The following MS4A12 variants were observed in gnomAD, a reference collection of about 807,000 sequenced individuals.
The protein encoded by MS4A12 is membrane spanning 4-domains A12.
In MS4A12, 28 loss-of-function variants were observed where a neutral mutation model predicts 23.7. The observed-to-expected ratio is 1.18, with a 90% CI of 0.88 to 1.62. MS4A12 has a LOEUF of 1.62. Ranked by LOEUF, MS4A12 falls within the 40% of genes most tolerant of loss-of-function variation. The pLI is 0.00. For synonymous variants in MS4A12, 108 were observed against 110.1 expected (o/e 0.98, Z 0.12); for missense variants, 342 against 327.0 (o/e 1.05, Z -0.35).
At chr11:60,506,935 T>A in intron 6 of MS4A12, 85 bp from the exon 7 acceptor site, 2 of 1,515,178 alleles carry the variant, frequency 1.3e-6, no homozygotes, top group Non-Finnish European at 1.8e-6. Context: ...ACCAGAATGC[T>A]CTTTGTCCTT....
At chr11:60,496,175 A>G (rs74458973) in intron 1 of MS4A12, among the ~76,000 whole-genome samples, 27 of 152,332 alleles carry the variant, frequency 1.8e-4, no homozygotes, top group Admixed American at 7.2e-4. Context: ...GGGTCTGCAT[A>G]TGTGTCCTTG....
intron 2 of MS4A12, 147 bp downstream of exon 2, chr11:60,497,741 A>G: frequency 1.1e-6 from 1 of 922,808 alleles, no homozygotes; most frequent in Non-Finnish European, 1.6e-6. Context: ...CTGCCTATAG[A>G]CTTTCCCTTG....
chr11:60,502,882 TA>T (rs1183673164), intron 4 of MS4A12, among the ~76,000 whole-genome samples: 1 of 152,206 alleles, frequency 6.6e-6, no homozygotes, highest in Non-Finnish European at 1.5e-5. Context: ...CTGCATCTTT[TA>T]AGGATCCTTC....
At chr11:60,506,694 T>G in intron 5 of MS4A12, 34 bp from the exon 6 acceptor site, 1 of 1,591,008 alleles carries the variant, frequency 6.3e-7, no homozygotes, top group Non-Finnish European at 8.6e-7. Flanking sequence ...CCCTCCTGAT[T>G]AGCCAAAATT....
chr11:60,506,160 C>T (rs1313447744), intron 5 of MS4A12, among the ~76,000 whole-genome samples: 1 of 152,200 alleles, frequency 6.6e-6, no homozygotes, highest in Admixed American at 6.5e-5. Flanking sequence ...TGTACCTGAT[C>T]AAATAGAAAG....
intron 4 of MS4A12, among the ~76,000 whole-genome samples, chr11:60,503,326 G>C (rs1856680058): frequency 6.6e-6 from 1 of 152,192 alleles, no homozygotes; most frequent in Non-Finnish European, 1.5e-5. Context: ...AAGGCTGTAA[G>C]AGTTGAGATA....
rs778062540 is a variant in MS4A12, at chr11:60,501,076, T to C, written c.308T>C (p.Ile103Thr). ...VIQIMVGLMH[I>T]GFGIVLCLIS... Reference sequence around the variant, plus strand: ...CAGATCATGGTTGGATTGATGCACATTGGTTTTGGAATTGTTTTGTGTTTA... The same window carrying C: ...CAGATCATGGTTGGATTGATGCACACTGGTTTTGGAATTGTTTTGTGTTTA... Residue 103 changes from isoleucine (I) to threonine (T), a missense_variant, in exon 3 of 7, where the codon ATT (isoleucine) becomes ACT (threonine). By Grantham distance (89) the Ile-to-Thr change is moderately conservative. Coordinates refer to ENST00000016913, the MANE Select transcript of MS4A12 (RefSeq NM_017716.3). 19 of 1,611,772 alleles carry C rather than the reference T, an allele frequency of 1.2e-5. No homozygotes were observed. The East Asian group carries it at 2.2e-4, about 19-fold the overall frequency.
intron 4 of MS4A12, among the ~76,000 whole-genome samples, chr11:60,502,793 A>C (rs959063136): frequency 2.6e-4 from 39 of 152,326 alleles, no homozygotes; most frequent in Admixed American, 4.6e-4. Flanking sequence ...AAATAATTAA[A>C]TCAAATTAAA....
At chr11:60,502,166 T>C in intron 4 of MS4A12, 127 bp downstream of exon 4, 1 of 957,294 alleles carries the variant, frequency 1.0e-6, no homozygotes, top group East Asian at 2.4e-5. Context: ...AATCTATTGG[T>C]TGCCTTATGG....
At chr11:60,504,152 G>T (rs2086553171) in intron 5 of MS4A12, among the ~76,000 whole-genome samples, 1 of 152,182 alleles carries the variant, frequency 6.6e-6, no homozygotes, top group African/African-American at 2.4e-5. Context: ...AGGTAGTCAA[G>T]CTATTGAGTG....
At chr11:60,502,742 A>G (rs567489479) in intron 4 of MS4A12, among the ~76,000 whole-genome samples, 1 of 152,370 alleles carries the variant, frequency 6.6e-6, no homozygotes, top group African/African-American at 2.4e-5. Context: ...AGAGGAACAC[A>G]GAATCATGTA....
intron 2 of MS4A12, among the ~76,000 whole-genome samples, chr11:60,500,442 G>C (rs2086522152): frequency 6.6e-6 from 1 of 152,140 alleles, no homozygotes; most frequent in Admixed American, 6.5e-5. Flanking sequence ...AATTCAGACA[G>C]GCTCAGCAGT....
chr11:60,497,557 C>A lies in MS4A12; in HGVS notation c.239C>A (p.Ala80Glu), dbSNP rs747462369. The change falls in exon 2 of 7, where the codon GCA (alanine) becomes GAA (glutamate). Residue 80 changes from alanine (A) to glutamate (E), a missense_variant. Transcript: ENST00000016913. Reference protein sequence around the residue: ...IQMINPSVGTAVMNFKEEAKA... With the variant: ...IQMINPSVGTEVMNFKEEAKA... Reference sequence around the variant, plus strand: ...ATGATAAATCCAAGTGTGGGAACAGCAGTAATGAACTTTAAAGAAGAAGCA... The same window carrying A: ...ATGATAAATCCAAGTGTGGGAACAGAAGTAATGAACTTTAAAGAAGAAGCA... The A allele has an allele frequency of 6.2e-7, 1 of 1,614,078 alleles. No homozygotes were observed. Among genetic ancestry groups the A allele is most frequent in the Non-Finnish European group, 8.5e-7 (1 of 1,179,948 alleles).
intron 4 of MS4A12, 101 bp downstream of exon 4, chr11:60,502,140 C>T: frequency 8.5e-7 from 1 of 1,178,940 alleles, no homozygotes; most frequent in African/African-American, 1.5e-5. Flanking sequence ...CAAAAGGGAG[C>T]ACCTTTCCCA....
chr11:60,507,310 A>G lies in MS4A12; in HGVS notation c.*186A>G. The G allele has an allele frequency of 1.8e-6, 1 of 563,602 alleles. No individual in the cohort carries two copies. Among genetic ancestry groups the G allele is most frequent in the African/African-American group, 1.9e-5 (1 of 53,336 alleles). The allele number at this position is 563,602 out of a possible 1,614,324, so 34.9% of individuals were successfully genotyped here. ...CACTGTCTCTTCCTACATTACCACT[A>G]CTACATGCTGGCAAAGGTGAAGGAT... On this transcript the variant is annotated 3_prime_UTR_variant, in exon 7 of 7. Coordinates refer to ENST00000016913, the MANE Select transcript of MS4A12 (RefSeq NM_017716.3).
intron 2 of MS4A12, among the ~76,000 whole-genome samples, chr11:60,500,136 G>A (rs904567391): frequency 6.6e-6 from 1 of 151,834 alleles, no homozygotes; most frequent in African/African-American, 2.4e-5. Flanking sequence ...AGCTACTCGG[G>A]AGGGTGAGGC....
chr11:60,496,381 A>G (rs959619624), intron 1 of MS4A12, among the ~76,000 whole-genome samples: 2 of 152,248 alleles, frequency 1.3e-5, no homozygotes, highest in African/African-American at 4.8e-5. Flanking sequence ...TTCAAGAATT[A>G]ATAGTCATTG....
At chr11:60,502,551 T>C (rs1261859981) in intron 4 of MS4A12, among the ~76,000 whole-genome samples, 1 of 152,234 alleles carries the variant, frequency 6.6e-6, no homozygotes, top group Non-Finnish European at 1.5e-5. Flanking sequence ...GAAGAGTTTA[T>C]AAAAATGATG....
intron 4 of MS4A12, 147 bp from the exon 5 acceptor site, chr11:60,503,554 C>G: frequency 1.6e-6 from 1 of 632,864 alleles, no homozygotes; most frequent in South Asian, 2.1e-5. Context: ...TGGTAATTAC[C>G]CAGAAGGGCA....
Sources: gnomAD v4.1 joint callset for allele counts (sites outside exome capture counted in the v4.1 genomes callset) on GRCh38, gnomAD v4.1.1 for gene constraint, MANE v1.5 for transcripts, NCBI Gene and HGNC (gene_info 2026-07-23, HGNC 2026-07-21) for gene names.